Variants in PCGF6 observed in about 807,000 individuals in gnomAD.
PCGF6 encodes the protein polycomb group ring finger 6, also known as polycomb group RING finger protein 6.
In PCGF6, 24 loss-of-function variants were observed where a neutral mutation model predicts 45.5. The ratio of observed to expected loss-of-function variants is 0.53; its 90% confidence interval spans 0.38 to 0.74. The LOEUF is 0.74. PCGF6 is among the 30% of genes least tolerant of loss of function. The probability of loss-of-function intolerance (pLI) is 0.00; values close to 1 mark genes in which losing one functional copy is unlikely to be tolerated. For missense variants in PCGF6, 356 were observed against 443.2 expected (o/e 0.80, Z 1.77); for synonymous variants, 152 against 162.1 (o/e 0.94, Z 0.47).
intron 6 of PCGF6, among the ~76,000 whole-genome samples, chr10:103,335,859 C>T (rs1036250055): frequency 3.9e-5 from 6 of 151,920 alleles, no homozygotes; most frequent in Admixed American, 1.3e-4. Context: ...CCCAGCTACT[C>T]GGGAGGCTGA....
chr10:103,326,704 TATGTA>T, intron 7 of PCGF6, 72 bp from the exon 8 acceptor site: 1 of 1,079,462 alleles, frequency 9.3e-7, no homozygotes. Flanking sequence ...TGTGTATATA[TATGTA>T]ATGTGTAAAC....
At chr10:103,313,301 A>C (rs1357571470) in intron 9 of PCGF6, among the ~76,000 whole-genome samples, 2 of 152,232 alleles carry the variant, frequency 1.3e-5, no homozygotes, top group East Asian at 3.9e-4. Context: ...AGAGGGGCTC[A>C]CCCCTGTAAT....
chr10:103,328,461 G>A (rs769329537), intron 7 of PCGF6, among the ~76,000 whole-genome samples: 1 of 152,150 alleles, frequency 6.6e-6, no homozygotes, highest in Non-Finnish European at 1.5e-5. Context: ...ATACAGAATA[G>A]GTGTTGAGTG....
intron 8 of PCGF6, among the ~76,000 whole-genome samples, chr10:103,325,929 A>G (rs1031243425): frequency 7.9e-5 from 12 of 152,026 alleles, no homozygotes; most frequent in Admixed American, 5.9e-4. Context: ...AGGCTGAGAC[A>G]GGAGGGAGGA....
chr10:103,313,076 G>T (rs1036555932), intron 9 of PCGF6, among the ~76,000 whole-genome samples: 1 of 152,194 alleles, frequency 6.6e-6, no homozygotes, highest in Non-Finnish European at 1.5e-5. Context: ...ATCCTATCTT[G>T]GTTTTTATTA....
chr10:103,328,627 G>A (rs1334392741), intron 7 of PCGF6, among the ~76,000 whole-genome samples: 1 of 152,142 alleles, frequency 6.6e-6, no homozygotes, highest in Non-Finnish European at 1.5e-5. Context: ...ATAAGTTAAT[G>A]TATGTAAATA....
Position 103,303,854 on chromosome 10 carries a change from A to G in PCGF6, c.*51T>C, listed in dbSNP as rs1186170485. ...TTCATGGAAATCTTTGGTGAGATGC[A>G]GTCCTGCAGAAGCCTCCTTTGTTTC... is the stretch of plus-strand genomic sequence containing the variant. On this transcript the variant is annotated 3_prime_UTR_variant, in exon 10 of 10. Transcript: ENST00000369847. The G allele has an allele frequency of 2.1e-6, 3 of 1,452,376 alleles. No individual in the cohort carries two copies. The Admixed American group carries it at 5.4e-5, about 26-fold the overall frequency. 90.0% of individuals were successfully genotyped at this position (1,452,376 alleles called of 1,614,324 possible).
intron 5 of PCGF6, 150 bp downstream of exon 5, chr10:103,347,088 T>G (rs963681893): frequency 3.5e-6 from 2 of 579,138 alleles, no homozygotes; most frequent in African/African-American, 3.7e-5. Context: ...TCTCTAATTT[T>G]TATAAATAAA....
intron 6 of PCGF6, among the ~76,000 whole-genome samples, chr10:103,341,330 C>T (rs1592075030): frequency 6.6e-6 from 1 of 151,832 alleles, no homozygotes; most frequent in East Asian, 2.0e-4. Context: ...TATCTCGGCT[C>T]ACCACAACCT....
chr10:103,347,746 T>G (rs1024639421), intron 3 of PCGF6, among the ~76,000 whole-genome samples: 2 of 152,178 alleles, frequency 1.3e-5, no homozygotes, highest in Admixed American at 1.3e-4. Flanking sequence ...TGGAGTGCAG[T>G]GGCTCAATCA....
At position 103,323,422 on chromosome 10, in the gene PCGF6, A is replaced by G. The variant is rs113877615; in HGVS notation, c.909+3112T>C. Among the ~76,000 whole-genome samples the G allele has an allele frequency of 4.0e-3, 600 of 151,104 alleles. 1 individual carries two copies. The highest frequency in any genetic ancestry group is 0.012 in the African/African-American group (508 of 41,132). On this transcript the variant is annotated intron_variant, in intron 8 of 9. Coordinates refer to ENST00000369847, the MANE Select transcript of PCGF6 (RefSeq NM_001011663.2). ...AGTGATTCTCCTGCCTCAGCCTCTC[A>G]AGTAGCTGGGATTACAAGCATGCGC...
rs537427740 is a variant in PCGF6, at chr10:103,350,040, G to A, written c.360+667C>T. 3.6e-3 allele frequency among the ~76,000 whole-genome samples: 547 copies of A among 151,788 alleles called. 3 individuals carry two copies. Among genetic ancestry groups the A allele is most frequent in the Middle Eastern group, 0.01 (3 of 294 alleles). Reference sequence around the variant, plus strand: ...GGAGGTTGCAGTGAGCCGAGATCGCGCCACTGCACTCCAGCCTGGGCGACA... The same window carrying A: ...GGAGGTTGCAGTGAGCCGAGATCGCACCACTGCACTCCAGCCTGGGCGACA... On this transcript the variant is annotated intron_variant, in intron 1 of 9. Transcript: ENST00000369847.
At chr10:103,341,008 T>C (rs1339782622) in intron 6 of PCGF6, among the ~76,000 whole-genome samples, 1 of 152,054 alleles carries the variant, frequency 6.6e-6, no homozygotes, top group Non-Finnish European at 1.5e-5. Flanking sequence ...GGTGGGCGGA[T>C]CACCTGAGGT....
At chr10:103,314,892 T>C (rs1475998380) in intron 8 of PCGF6, among the ~76,000 whole-genome samples, 2 of 142,454 alleles carry the variant, frequency 1.4e-5, no homozygotes, top group Non-Finnish European at 3.0e-5. Context: ...GAGGTGTTGG[T>C]TGCAATGAGC....
intron 1 of PCGF6, among the ~76,000 whole-genome samples, chr10:103,349,519 C>T (rs2093312938): frequency 8.9e-6 from 1 of 112,760 alleles, no homozygotes; most frequent in African/African-American, 3.4e-5. Flanking sequence ...CTGCCTCTGT[C>T]GCCCAGACTG....
At chr10:103,343,129 C>T (rs1244278866) in intron 6 of PCGF6, among the ~76,000 whole-genome samples, 2 of 151,880 alleles carry the variant, frequency 1.3e-5, no homozygotes, top group Non-Finnish European at 2.9e-5. Context: ...GGGGTTTCAC[C>T]GTGTTAGCCA....
At chr10:103,345,500 T>C (rs1336610301) in intron 5 of PCGF6, among the ~76,000 whole-genome samples, 1 of 140,358 alleles carries the variant, frequency 7.1e-6, no homozygotes, top group East Asian at 2.1e-4. Context: ...TAGGTACCAG[T>C]GCTACTGCTT....
intron 9 of PCGF6, among the ~76,000 whole-genome samples, chr10:103,308,025 C>T (rs2093143850): frequency 6.6e-6 from 1 of 152,140 alleles, no homozygotes; most frequent in African/African-American, 2.4e-5. Context: ...CACTTGAGGT[C>T]AGGAGTTCAA....
chr10:103,336,683 T>C (rs888445259), intron 6 of PCGF6, among the ~76,000 whole-genome samples: 2 of 152,156 alleles, frequency 1.3e-5, no homozygotes, highest in Non-Finnish European at 2.9e-5. Context: ...GAGACTTGCC[T>C]GGCCAACATG....
Sources: allele counts gnomAD v4.1 joint callset (sites outside exome capture counted in the v4.1 genomes callset), GRCh38; gene constraint gnomAD v4.1.1; transcripts MANE v1.5; gene names NCBI Gene and HGNC (gene_info 2026-07-23, HGNC 2026-07-21).